TGFBRAP1: variants seen among roughly 807,000 people sequenced by gnomAD.
The protein encoded by TGFBRAP1 is transforming growth factor-beta receptor-associated protein 1.
In TGFBRAP1, 20 loss-of-function variants were observed where a neutral mutation model predicts 83.2. The ratio of observed to expected loss-of-function variants is 0.24; its 90% CI spans 0.17 to 0.35. The LOEUF is 0.35. Among genes scored for constraint, TGFBRAP1 ranks in the 10% least tolerant of loss-of-function variants. The pLI is 1.00. For missense variants in TGFBRAP1, 950 were observed against 1,099.4 expected (o/e 0.86, Z 1.92); for synonymous variants, 415 against 459.8 (o/e 0.90, Z 1.25).
chr2:105,279,723 C>T (rs1265292487), intron 6 of TGFBRAP1, among the ~76,000 whole-genome samples: 1 of 152,058 alleles, frequency 6.6e-6, no homozygotes, highest in Non-Finnish European at 1.5e-5. Context: ...GAATACGAGG[C>T]TGACTACAAA....
intron 1 of TGFBRAP1, among the ~76,000 whole-genome samples, chr2:105,323,485 A>G (rs191544478): frequency 5.4e-4 from 82 of 152,320 alleles, no homozygotes; most frequent in African/African-American, 1.9e-3. Flanking sequence ...TGAGCAGGAC[A>G]GGCAGGTATG....
chr2:105,311,889 C>A (rs545272216), intron 1 of TGFBRAP1, among the ~76,000 whole-genome samples: 34 of 150,456 alleles, frequency 2.3e-4, no homozygotes, highest in African/African-American at 6.4e-4. Context: ...GCCTGGGTGA[C>A]AGGAGCAAAA....
chr2:105,251,656 A>T, the TGFBRAP1 span, among the ~76,000 whole-genome samples: 1 of 152,234 alleles, frequency 6.6e-6, no homozygotes, highest in Admixed American at 6.5e-5. Flanking sequence ...TCAACAGCTC[A>T]TTGAGAAGGG....
intron 1 of TGFBRAP1, chr2:105,327,412 T>C (rs924221780): frequency 1.3e-5 from 2 of 151,876 alleles, no homozygotes; most frequent in Non-Finnish European, 2.9e-5. Flanking sequence ...AAAAAAAATT[T>C]TTTAAATTAT....
intron 4 of TGFBRAP1, 32 bp from the exon 5 acceptor site, chr2:105,284,430 G>GA (rs199775490): frequency 0.022 from 35,271 of 1,601,078 alleles, 477 homozygotes; most frequent in South Asian, 0.029. Flanking sequence ...ATCTCTTAGT[G>GA]AATCTTGAAA....
chr2:105,304,507 G>A (rs180894457), intron 2 of TGFBRAP1, among the ~76,000 whole-genome samples: 143 of 152,360 alleles, frequency 9.4e-4, no homozygotes, highest in African/African-American at 3.3e-3. Context: ...TACCGGCTGG[G>A]CACAGTGGCT....
intron 1 of TGFBRAP1, among the ~76,000 whole-genome samples, chr2:105,309,181 C>G (rs1021862033): frequency 6.6e-6 from 1 of 152,222 alleles, no homozygotes; most frequent in Non-Finnish European, 1.5e-5. Context: ...GGGAGAAGAT[C>G]AGGCAAGGTG....
At chr2:105,258,093 C>A in the TGFBRAP1 span, among the ~76,000 whole-genome samples, 3 of 152,220 alleles carry the variant, frequency 2.0e-5, no homozygotes, top group African/African-American at 7.2e-5. Context: ...CCCTCTATGA[C>A]CAGGTTATTG....
chr2:105,289,659 T>G (rs956618754), intron 4 of TGFBRAP1, among the ~76,000 whole-genome samples: 1 of 152,246 alleles, frequency 6.6e-6, no homozygotes, highest in South Asian at 2.1e-4. Context: ...TGCACAGCGC[T>G]GCAGCACCCC....
At chr2:105,276,192 C>T (rs1573165154) in intron 7 of TGFBRAP1, among the ~76,000 whole-genome samples, 2 of 152,322 alleles carry the variant, frequency 1.3e-5, no homozygotes, top group South Asian at 4.1e-4. Flanking sequence ...ATTCTGTCCC[C>T]TGAGTTCACA....
At position 105,324,791 on chromosome 2, in the gene TGFBRAP1, G is replaced by A. The variant is rs192408460; in HGVS notation, c.-18+4834C>T. Among the ~76,000 whole-genome samples the A allele has an allele frequency of 6.6e-5, 10 of 152,204 alleles. No individual in the cohort carries two copies. The East Asian group carries it at 1.4e-3, about 21-fold the overall frequency. On this transcript the variant is annotated intron_variant, in intron 1 of 11. Transcript: ENST00000393359. Reference sequence around the variant, plus strand: ...CAGTTAAGTGGGGGACTCTGAGGGTGGACACTCAGGCTGGGAAGGAGCACA... The same window carrying A: ...CAGTTAAGTGGGGGACTCTGAGGGTAGACACTCAGGCTGGGAAGGAGCACA...
At chr2:105,324,388 G>A (rs187932270) in intron 1 of TGFBRAP1, 156 of 152,242 alleles carry the variant, frequency 1.0e-3, no homozygotes, top group African/African-American at 3.5e-3. Flanking sequence ...AGAAACCTGG[G>A]AATCTCCTTT....
rs1196187408 is a variant in TGFBRAP1, at chr2:105,298,576, A to G, written c.818T>C (p.Met273Thr). The G allele has an allele frequency of 6.2e-6, 10 of 1,613,950 alleles. No homozygotes were observed. Among genetic ancestry groups the G allele is most frequent in the Non-Finnish European group, 7.6e-6 (9 of 1,179,932 alleles). The change falls in exon 3 of 12, where the codon ATG becomes ACG. Residue 273 changes from methionine to threonine, a missense_variant. Met to Thr is a moderately conservative substitution (Grantham distance 81). Coordinates refer to ENST00000393359, the MANE Select transcript of TGFBRAP1 (RefSeq NM_004257.6). ...CGTCTGCTTCTGTTGCTGATCCAAC[A>G]TGCTGTGGACTGTGATGAATTCGTC... Reference protein sequence around the residue: ...LDDEFITVHSMLDQQQKQTLP... With the variant: ...LDDEFITVHSTLDQQQKQTLP...
chr2:105,289,304 AC>A (rs569179776), intron 4 of TGFBRAP1, among the ~76,000 whole-genome samples: 51 of 152,162 alleles, frequency 3.4e-4, no homozygotes, highest in Non-Finnish European at 5.9e-4. Context: ...AGAAAAAGGG[AC>A]TTGCCATTTG....
intron 1 of TGFBRAP1, among the ~76,000 whole-genome samples, chr2:105,313,843 A>C (rs1678766988): frequency 6.6e-6 from 1 of 151,974 alleles, no homozygotes; most frequent in Non-Finnish European, 1.5e-5. Flanking sequence ...AAATAAAATA[A>C]ATTAATAAAT....
intron 7 of TGFBRAP1, 126 bp downstream of exon 7, chr2:105,277,488 C>T (rs1364720595): frequency 6.7e-6 from 5 of 742,646 alleles, no homozygotes; most frequent in Non-Finnish European, 6.7e-6. Flanking sequence ...CATTTTTATT[C>T]TGTATAAAAG....
the TGFBRAP1 span, among the ~76,000 whole-genome samples, chr2:105,258,956 G>A: frequency 3.3e-5 from 5 of 152,286 alleles, no homozygotes; most frequent in East Asian, 7.7e-4. Flanking sequence ...ACCAGTAGGC[G>A]CAAATCGAGC....
intron 4 of TGFBRAP1, among the ~76,000 whole-genome samples, chr2:105,291,651 A>T (rs183480079): frequency 1.6e-4 from 25 of 152,324 alleles, no homozygotes. Flanking sequence ...CATTATGCTA[A>T]GAGAAATAAG....
chr2:105,317,252 C>T (rs1266088871), intron 1 of TGFBRAP1, among the ~76,000 whole-genome samples: 1 of 152,150 alleles, frequency 6.6e-6, no homozygotes, highest in African/African-American at 2.4e-5. Context: ...TCCTGCCCAA[C>T]ATGGTGAAAC....
Sources: gnomAD v4.1 joint callset for allele counts (sites outside exome capture counted in the v4.1 genomes callset) on GRCh38, gnomAD v4.1.1 for gene constraint, MANE v1.5 for transcripts, NCBI Gene and HGNC (gene_info 2026-07-23, HGNC 2026-07-21) for gene names.